TARS1: variants seen among roughly 807,000 people sequenced by gnomAD.
The protein encoded by TARS1 is threonyl-tRNA synthetase 1.
TARS1 carries 57 observed loss-of-function variants against 97.7 expected under a neutral mutation model. That is an observed-to-expected ratio of 0.58 (90% CI 0.47 to 0.73). The LOEUF (loss-of-function observed/expected upper bound fraction) is 0.73. Ranked by LOEUF, TARS1 falls within the 30% of genes least tolerant of loss-of-function variation. TARS1 has a pLI of 0.00. For missense variants in TARS1, 806 were observed against 888.3 expected (o/e 0.91, Z 1.18); for synonymous variants, 312 against 293.7 (o/e 1.06, Z -0.64).
chr5:33,456,331 G>A (rs773217920), intron 8 of TARS1, 104 bp downstream of exon 8: 41 of 941,192 alleles, frequency 4.4e-5, no homozygotes, highest in Middle Eastern at 6.5e-4. Flanking sequence ...CACATGAAAG[G>A]ATGGTATTTT....
At chr5:33,453,961 C>G (rs188959383) in intron 4 of TARS1, among the ~76,000 whole-genome samples, 5 of 152,270 alleles carry the variant, frequency 3.3e-5, no homozygotes, top group African/African-American at 7.2e-5. Context: ...CTCAAGTGAT[C>G]TGCCCACCTC....
rs1342093343 is a variant in TARS1 at position 33,453,426 on chromosome 5, T to G, written c.453+14T>G. 1.9e-6 allele frequency: 3 copies of G among 1,613,158 alleles called. No homozygotes were observed. Among genetic ancestry groups the G allele is most frequent in the Admixed American group, 1.7e-5 (1 of 59,860 alleles). On this transcript the variant is annotated intron_variant, in intron 4 of 18. Coordinates refer to ENST00000265112, the MANE Select transcript of TARS1 (RefSeq NM_152295.5). ...GAAGCTCAGGCAGTAAGTTGCTGAT[T>G]AGTATTCATTGAATTTTAGGATGCA...
rs765173851 is a variant in TARS1, at chr5:33,461,245, C to T, written c.1501C>T (p.Arg501Cys). 1.2e-5 allele frequency: 20 copies of T among 1,613,782 alleles called. No individual in the cohort carries two copies. The highest frequency in any genetic ancestry group is 8.9e-5 in the East Asian group (4 of 44,886). ...TTCTTTTAAACTAAACCTTTCTACT[C>T]GCCCGGAAAAATTCCTTGGAGATAT... ...GFSFKLNLST[R>C]PEKFLGDIEV... The change falls in exon 13 of 19, where the codon CGC (arginine) becomes TGC (cysteine). Residue 501 changes from arginine (R) to cysteine (C), a missense_variant. Transcript: ENST00000265112.
chr5:33,442,772 T>A (rs1741174450), intron 1 of TARS1, among the ~76,000 whole-genome samples: 1 of 149,436 alleles, frequency 6.7e-6, no homozygotes, highest in Admixed American at 6.6e-5. Context: ...CCAAAGTTCT[T>A]GGATTACAGG....
intron 11 of TARS1, 89 bp downstream of exon 11, chr5:33,459,950 A>G: frequency 7.0e-7 from 1 of 1,424,216 alleles, no homozygotes; most frequent in African/African-American, 1.4e-5. Context: ...ATTTTCATTA[A>G]AAACAAATTA....
In TARS1 at chr5:33,454,923, C is replaced by A. The variant is rs764678424; in HGVS notation, c.454-22C>A. On this transcript the variant is annotated intron_variant, in intron 4 of 18. Transcript: ENST00000265112. ...CTTGTATGCCAAGACTCAGACCATG[C>A]CATTTTTCTTTAAATTTTCAGGTGT... is the stretch of plus-strand genomic sequence containing the variant. 6 of 1,611,308 alleles carry A rather than the reference C, an allele frequency of 3.7e-6. No individual in the cohort carries two copies. The South Asian group carries it at 4.4e-5, about 12-fold the overall frequency.
intron 2 of TARS1, chr5:33,446,077 G>C (rs572553742): frequency 6.4e-6 from 1 of 155,440 alleles, no homozygotes; most frequent in African/African-American, 2.4e-5. Context: ...CATTACAGCT[G>C]TTTTATTGGA....
chr5:33,459,457 T>C (rs1742187726), intron 10 of TARS1, among the ~76,000 whole-genome samples: 1 of 152,234 alleles, frequency 6.6e-6, no homozygotes. Context: ...TGATGGACAC[T>C]GATGTATAAT....
chr5:33,455,882 A>G (rs955405800), intron 6 of TARS1, 120 bp from the exon 7 acceptor site: 11 of 1,008,874 alleles, frequency 1.1e-5, no homozygotes, highest in South Asian at 1.7e-5. Flanking sequence ...TTCCTTCAAC[A>G]TGTTTTTAAA....
At position 33,460,784 on chromosome 5, in the gene TARS1, T is replaced by G; in HGVS notation, c.1251-118T>G. Reference sequence around the variant, plus strand: ...TATGTAGCCCAGAATTTGAGAAATGTTGCTTGGATGGACAGCTAGAATCAG... The same window carrying G: ...TATGTAGCCCAGAATTTGAGAAATGGTGCTTGGATGGACAGCTAGAATCAG... On this transcript the variant is annotated intron_variant, in intron 11 of 18. Transcript: ENST00000265112. The G allele has an allele frequency of 4.1e-6, 5 of 1,227,424 alleles. No individual in the cohort carries two copies. In the South Asian group the frequency reaches 7.9e-5, roughly 19 times the overall value. The allele number at this position is 1,227,424 out of a possible 1,614,324, so 76.0% of individuals were successfully genotyped here.
chr5:33,452,386 T>C, intron 3 of TARS1: 1 of 1,535,406 alleles, frequency 6.5e-7, no homozygotes, highest in Non-Finnish European at 8.7e-7. Flanking sequence ...CATCTCTGCT[T>C]GCATCTGTGG....
chr5:33,442,559 G>A (rs762217389), intron 1 of TARS1, among the ~76,000 whole-genome samples: 7 of 151,374 alleles, frequency 4.6e-5, no homozygotes, highest in Non-Finnish European at 1.0e-4. Flanking sequence ...TTTTTGAGAC[G>A]GAGTCTCGCT....
At chr5:33,449,085 G>A (rs564913483) in intron 3 of TARS1, among the ~76,000 whole-genome samples, 2 of 152,108 alleles carry the variant, frequency 1.3e-5, no homozygotes, top group South Asian at 4.2e-4. Context: ...ATCTCACATG[G>A]AAAGGTTAAG....
chr5:33,458,677 T>C lies in TARS1; in HGVS notation c.1083+13T>C, dbSNP rs1742147779. On this transcript the variant is annotated intron_variant, in intron 10 of 18. Coordinates refer to ENST00000265112, the MANE Select transcript of TARS1 (RefSeq NM_152295.5). ...TGAATTCATTAGGGTAAGTCATATT[T>C]ATTGCTTTCTTCTTTAGATTTAGGA... is the stretch of plus-strand genomic sequence containing the variant. The C allele has an allele frequency of 6.3e-7, 1 of 1,582,428 alleles. No individual in the cohort carries two copies. The highest frequency in any genetic ancestry group is 8.6e-7 in the Non-Finnish European group (1 of 1,157,716).
In TARS1 at chr5:33,467,725, A is replaced by T. The variant is rs367844736; in HGVS notation, c.*17A>T. On this transcript the variant is annotated 3_prime_UTR_variant, in exon 19 of 19. Coordinates refer to ENST00000265112, the MANE Select transcript of TARS1 (RefSeq NM_152295.5). ...GAATTTTAATGAAAAAATTACCCAG[A>T]TTGGCTCCATGGAAAAGGAGGAACA... 5.6e-6 allele frequency: 9 copies of T among 1,601,540 alleles called. No individual in the cohort carries two copies. Among genetic ancestry groups the T allele is most frequent in the Non-Finnish European group, 6.0e-6 (7 of 1,175,110 alleles).
Position 33,461,306 on chromosome 5 carries a change from T to G in TARS1, c.1551+11T>G. ...GATCAAGCTGAGAAAGTAAGTGGTG[T>G]TTTTCAGCGTGCTTTTGAATACTGT... On this transcript the variant is annotated intron_variant, in intron 13 of 18. Transcript: ENST00000265112. The G allele has an allele frequency of 1.2e-6, 2 of 1,607,350 alleles. No homozygotes were observed. The highest frequency in any genetic ancestry group is 1.7e-6 in the Non-Finnish European group (2 of 1,177,804).
intron 9 of TARS1, 33 bp from the exon 10 acceptor site, chr5:33,458,533 A>C: frequency 6.3e-7 from 1 of 1,579,402 alleles, no homozygotes. Context: ...TACGTGACGT[A>C]CATAAACATT....
chr5:33,450,971 C>T (rs1474228982), intron 3 of TARS1, among the ~76,000 whole-genome samples: 1 of 152,106 alleles, frequency 6.6e-6, no homozygotes, highest in Non-Finnish European at 1.5e-5. Flanking sequence ...AAAAATTAGC[C>T]AGTCATGGTG....
At chr5:33,466,817 C>A in intron 17 of TARS1, 54 bp from the exon 18 acceptor site, 1 of 1,308,552 alleles carries the variant, frequency 7.6e-7, no homozygotes, top group Non-Finnish European at 1.1e-6. Context: ...CATGTGAGAT[C>A]AAAATATAAT....
Sources: gnomAD v4.1 joint callset for allele counts (sites outside exome capture counted in the v4.1 genomes callset) on GRCh38, gnomAD v4.1.1 for gene constraint, MANE v1.5 for transcripts, NCBI Gene and HGNC (gene_info 2026-07-23, HGNC 2026-07-21) for gene names.